The following UGGT2 variants were observed in gnomAD, a reference collection of about 807,000 sequenced individuals.
UGGT2 encodes UDP-glucose:glycoprotein glucosyltransferase 2.
UGGT2 carries 180 observed loss-of-function variants against 192.1 expected under a neutral mutation model. The ratio of observed to expected loss-of-function variants is 0.94; its 90% confidence interval spans 0.83 to 1.06. UGGT2 has a LOEUF of 1.06. UGGT2 is among the 50% of genes least tolerant of loss of function. The pLI, the probability that UGGT2 is intolerant of heterozygous loss-of-function variation, is 0.00. For synonymous variants in UGGT2, 580 were observed against 591.0 expected, an observed-to-expected ratio of 0.98 and a Z score of 0.27; for missense variants, 1,849 against 1,795.7, an observed-to-expected ratio of 1.03 and a Z score of -0.54.
chr13:95,850,837 G>A (rs774870818), intron 36 of UGGT2, among the ~76,000 whole-genome samples: 17 of 152,158 alleles, frequency 1.1e-4, no homozygotes, highest in Admixed American at 2.6e-4. Context: ...ATTATCCAAG[G>A]ATTTATAGTT....
chr13:95,984,554 TC>T (rs2051230922), intron 9 of UGGT2, among the ~76,000 whole-genome samples: 1 of 152,100 alleles, frequency 6.6e-6, no homozygotes, highest in Admixed American at 6.6e-5. Context: ...GGTCTAAAAC[TC>T]CTGGCCTCAA....
intron 36 of UGGT2, among the ~76,000 whole-genome samples, chr13:95,850,917 C>A (rs1385067365): frequency 6.6e-6 from 1 of 152,146 alleles, no homozygotes; most frequent in Non-Finnish European, 1.5e-5. Context: ...CCAAGGTCAC[C>A]CCCTTACCTG....
At chr13:96,014,271 T>G (rs1258017867) in intron 4 of UGGT2, among the ~76,000 whole-genome samples, 1 of 152,166 alleles carries the variant, frequency 6.6e-6, no homozygotes, top group African/African-American at 2.4e-5. Context: ...TGAATTCTGA[T>G]CTCTACAATC....
At chr13:96,043,510 C>G (rs758639202) in intron 1 of UGGT2, among the ~76,000 whole-genome samples, 1 of 152,000 alleles carries the variant, frequency 6.6e-6, no homozygotes, top group African/African-American at 2.4e-5. Flanking sequence ...AGAATGGTAC[C>G]TCACATCTCA....
At chr13:95,850,819 T>G (rs1202103846) in intron 36 of UGGT2, among the ~76,000 whole-genome samples, 1 of 152,238 alleles carries the variant, frequency 6.6e-6, no homozygotes, top group African/African-American at 2.4e-5. Flanking sequence ...TCACAGAAAC[T>G]TAGCACCATT....
intron 27 of UGGT2, among the ~76,000 whole-genome samples, chr13:95,880,002 A>G (rs1436383990): frequency 1.3e-5 from 2 of 152,142 alleles, no homozygotes; most frequent in Non-Finnish European, 2.9e-5. Context: ...TCAACCTGCC[A>G]TCTACATTAG....
intron 36 of UGGT2, among the ~76,000 whole-genome samples, chr13:95,847,770 G>A (rs1379722196): frequency 6.6e-6 from 1 of 152,196 alleles, no homozygotes; most frequent in Non-Finnish European, 1.5e-5. Flanking sequence ...AAATATCTAT[G>A]TGCAGGTTTT....
intron 17 of UGGT2, among the ~76,000 whole-genome samples, chr13:95,929,188 G>C (rs1415997400): frequency 6.6e-6 from 1 of 152,192 alleles, no homozygotes; most frequent in Non-Finnish European, 1.5e-5. Flanking sequence ...ATGAGGGAGA[G>C]GGGGAGGGAG....
chr13:96,004,595 A>G (rs1239479499), intron 5 of UGGT2, among the ~76,000 whole-genome samples: 1 of 152,062 alleles, frequency 6.6e-6, no homozygotes, highest in Non-Finnish European at 1.5e-5. Context: ...TGTGCAGGTT[A>G]GTGTATACAT....
intron 31 of UGGT2, among the ~76,000 whole-genome samples, chr13:95,862,622 A>G (rs570817266): frequency 6.6e-6 from 1 of 152,260 alleles, no homozygotes; most frequent in African/African-American, 2.4e-5. Flanking sequence ...TTTGGGACAC[A>G]CAGCTATAGT....
chr13:95,948,106 CTATTTCAACACCTTA>C, intron 13 of UGGT2, 25 bp from the exon 14 acceptor site: 1 of 1,563,428 alleles, frequency 6.4e-7, no homozygotes, highest in Non-Finnish European at 8.8e-7. Context: ...GTATATATCA[CTATTTCAACACCTTA>C]GAATCTTCAT....
chr13:96,011,912 C>T, intron 5 of UGGT2, among the ~76,000 whole-genome samples: 1 of 152,042 alleles, frequency 6.6e-6, no homozygotes, highest in Non-Finnish European at 1.5e-5. Flanking sequence ...AGGTCCAATT[C>T]ATTCCCGTAT....
At chr13:95,971,871 A>G (rs1438855389) in intron 11 of UGGT2, among the ~76,000 whole-genome samples, 1 of 152,214 alleles carries the variant, frequency 6.6e-6, no homozygotes, top group East Asian at 1.9e-4. Context: ...CCAAACTGGT[A>G]AGAATTTAAA....
chr13:96,046,739 T>C (rs373193309), intron 1 of UGGT2, among the ~76,000 whole-genome samples: 5 of 152,304 alleles, frequency 3.3e-5, no homozygotes, highest in African/African-American at 1.2e-4. Flanking sequence ...CCGTGACAGA[T>C]GGCACCTGGA....
chr13:96,043,867 A>G (rs1015424678), intron 1 of UGGT2, among the ~76,000 whole-genome samples: 2 of 152,160 alleles, frequency 1.3e-5, no homozygotes, highest in African/African-American at 4.8e-5. Flanking sequence ...TTATAAAACA[A>G]TTACTACTAG....
At position 96,013,457 on chromosome 13, in the gene UGGT2, T is replaced by C. The variant is rs779514489; in HGVS notation, c.510A>G (p.Gly170=). 3 of 1,586,586 alleles carry C rather than the reference T, an allele frequency of 1.9e-6. No individual in the cohort carries two copies. Among genetic ancestry groups the C allele is most frequent in the Non-Finnish European group, 1.7e-6 (2 of 1,170,790 alleles). ...ASRTRPYLFK[G]DHKFPTNKEN... ...CTTTGTTTGTAGGAAATTTGTGATCTCCTTTAAATAGATAAGGTCTAGTCC... is the reference window on the plus strand; with the variant it reads ...CTTTGTTTGTAGGAAATTTGTGATCCCCTTTAAATAGATAAGGTCTAGTCC... Residue 170 remains glycine (G), a synonymous_variant, in exon 5 of 39, where the codon GGA becomes GGG. Coordinates refer to ENST00000376747, the MANE Select transcript of UGGT2 (RefSeq NM_020121.4).
intron 29 of UGGT2, among the ~76,000 whole-genome samples, chr13:95,868,652 A>C (rs899616809): frequency 6.6e-6 from 1 of 152,170 alleles, no homozygotes; most frequent in Admixed American, 6.5e-5. Context: ...TATGGTAGAA[A>C]CATTGTCAAA....
At chr13:95,848,794 T>C (rs534703278) in intron 36 of UGGT2, among the ~76,000 whole-genome samples, 2 of 152,292 alleles carry the variant, frequency 1.3e-5, no homozygotes, top group South Asian at 2.1e-4. Flanking sequence ...AATCAGTAGG[T>C]TGACAATCAT....
rs1035958854 is a variant in UGGT2 at position 95,807,601 on chromosome 13, T to G, written c.4529-5789A>C. 6.6e-5 allele frequency among the ~76,000 whole-genome samples: 10 copies of G among 152,256 alleles called. 1 individual carries two copies. Among genetic ancestry groups the G allele is most frequent in the Admixed American group, 5.9e-4 (9 of 15,280 alleles). On this transcript the variant is annotated intron_variant, in intron 38 of 38. Coordinates refer to ENST00000376747, the MANE Select transcript of UGGT2 (RefSeq NM_020121.4). ...TGTCTTCTTCCTCATTGTCTGGCACTGGTTCAGAAGCACTCATCTCCATCA... is the reference window on the plus strand; with the variant it reads ...TGTCTTCTTCCTCATTGTCTGGCACGGGTTCAGAAGCACTCATCTCCATCA...
Sources: allele counts gnomAD v4.1 joint callset (sites outside exome capture counted in the v4.1 genomes callset), GRCh38; gene constraint gnomAD v4.1.1; transcripts MANE v1.5; gene names NCBI Gene and HGNC (gene_info 2026-07-23, HGNC 2026-07-21).